LRRC4C: variants seen among roughly 807,000 people sequenced by gnomAD.
LRRC4C encodes leucine-rich repeat-containing protein 4C.
LRRC4C carries 5 observed loss-of-function variants against 33.6 expected under a neutral mutation model. The observed-to-expected ratio is 0.15, with a 90% confidence interval of 0.08 to 0.31. LRRC4C has a LOEUF of 0.31. Among genes scored for constraint, LRRC4C ranks in the 10% least tolerant of loss-of-function variants. The pLI, the probability that LRRC4C is intolerant of heterozygous loss-of-function variation, is 1.00. For missense variants in LRRC4C, 560 were observed against 796.7 expected (o/e 0.70, Z 3.58); for synonymous variants, 329 against 302.0 (o/e 1.09, Z -0.93).
intron 6 of LRRC4C, among the ~76,000 whole-genome samples, chr11:40,117,324 G>A (rs1032304477): frequency 6.6e-6 from 1 of 152,138 alleles, no homozygotes; most frequent in Non-Finnish European, 1.5e-5. Context: ...ACATGCACAT[G>A]TATATATAAA....
At chr11:41,230,328 T>G (rs1565499355) in intron 1 of LRRC4C, among the ~76,000 whole-genome samples, 2 of 152,076 alleles carry the variant, frequency 1.3e-5, no homozygotes, top group Non-Finnish European at 2.9e-5. Flanking sequence ...AGAAATACCT[T>G]GGAATGAGGC....
intron 2 of LRRC4C, among the ~76,000 whole-genome samples, chr11:40,842,518 TTACACAC>T (rs1235703430): frequency 6.6e-6 from 1 of 152,180 alleles, no homozygotes; most frequent in African/African-American, 2.4e-5. Context: ...ATGCATTACC[TTACACAC>T]TTACTATTAT....
At position 41,163,284 on chromosome 11, in the gene LRRC4C, G is replaced by GTTTTTTTTTTTTTTTTTTTTTTTTTTTT. The variant is rs71466923; in HGVS notation, c.-495-229562_-495-229561insAAAAAAAAAAAAAAAAAAAAAAAAAAAA. Among the ~76,000 whole-genome samples the GTTTTTTTTTTTTTTTTTTTTTTTTTTTT allele has an allele frequency of 6.8e-5, 5 of 73,382 alleles. 2 individuals carry two copies. The highest frequency in any genetic ancestry group is 1.2e-4 in the Non-Finnish European group (5 of 40,822). The allele number at this position is 73,382 out of a possible 152,430, so 48.1% of individuals were successfully genotyped here. A position where few individuals can be genotyped will look rare whatever the true frequency, so the allele number is the denominator to read the frequency against. Reference sequence around the variant, plus strand: ...GTAATAAACTTAGTTTACTGTAACTGTTTTTTTTTTTTTTTTTCAAACAGG... The same window carrying GTTTTTTTTTTTTTTTTTTTTTTTTTTTT: ...GTAATAAACTTAGTTTACTGTAACTGTTTTTTTTTTTTTTTTTTTTTTTTTTTTTTTTTTTTTTTTTTTTTCAAACAGG... On this transcript the variant is annotated intron_variant, in intron 1 of 6. Transcript: ENST00000528697.
intron 4 of LRRC4C, among the ~76,000 whole-genome samples, chr11:40,250,604 G>C (rs2136175208): frequency 6.6e-6 from 1 of 152,144 alleles, no homozygotes; most frequent in Non-Finnish European, 1.5e-5. Flanking sequence ...GCCAGGCATG[G>C]TGGCGGGCGC....
chr11:40,527,558 G>T (rs1268797659), intron 3 of LRRC4C, among the ~76,000 whole-genome samples: 1 of 152,062 alleles, frequency 6.6e-6, no homozygotes. Flanking sequence ...ATGACCCTCA[G>T]TCTTAGATTT....
intron 3 of LRRC4C, among the ~76,000 whole-genome samples, chr11:40,645,531 G>T (rs187549984): frequency 6.6e-6 from 1 of 152,102 alleles, no homozygotes; most frequent in East Asian, 1.9e-4. Flanking sequence ...TGACAATGTC[G>T]CCCTGTTTAT....
At chr11:40,345,243 C>T (rs1200473635) in intron 3 of LRRC4C, among the ~76,000 whole-genome samples, 1 of 152,110 alleles carries the variant, frequency 6.6e-6, no homozygotes, top group Non-Finnish European at 1.5e-5. Flanking sequence ...ATAGCCAAGA[C>T]AATCCTAAGC....
intron 1 of LRRC4C, among the ~76,000 whole-genome samples, chr11:41,247,505 T>C (rs1406433747): frequency 6.6e-6 from 1 of 152,130 alleles, no homozygotes; most frequent in Non-Finnish European, 1.5e-5. Flanking sequence ...GATGTCTTTT[T>C]ACTACATTTT....
At chr11:40,470,506 CA>C (rs1449919328) in intron 3 of LRRC4C, among the ~76,000 whole-genome samples, 2 of 152,164 alleles carry the variant, frequency 1.3e-5, no homozygotes, top group Non-Finnish European at 2.9e-5. Flanking sequence ...TCCTTGCCAG[CA>C]AGGGAACAAA....
chr11:40,609,742 G>T (rs948966396), intron 3 of LRRC4C, among the ~76,000 whole-genome samples: 1 of 151,746 alleles, frequency 6.6e-6, no homozygotes, highest in Non-Finnish European at 1.5e-5. Flanking sequence ...GAAATATAAA[G>T]ATTATAACAG....
intron 5 of LRRC4C, among the ~76,000 whole-genome samples, chr11:40,210,645 G>T (rs1863528057): frequency 6.6e-6 from 1 of 152,154 alleles, no homozygotes; most frequent in African/African-American, 2.4e-5. Flanking sequence ...TGGGACTCCA[G>T]CTTCTTTGCC....
intron 2 of LRRC4C, among the ~76,000 whole-genome samples, chr11:40,716,406 G>T (rs12364198): frequency 4.6e-5 from 7 of 152,078 alleles, no homozygotes; most frequent in African/African-American, 1.4e-4. Flanking sequence ...TAATAAATCA[G>T]TTTTTCATGC....
At position 40,153,370 on chromosome 11, in the gene LRRC4C, C is replaced by T. The variant is rs145791723; in HGVS notation, c.-95-12517G>A. On this transcript the variant is annotated intron_variant, in intron 5 of 6. Coordinates refer to ENST00000528697, the MANE Select transcript of LRRC4C (RefSeq NM_001258419.2). ...CAGAAAACCAACCCTGGTAATATGA[C>T]AAAACAAGGCTCTTCAACACCCCCT... Among the ~76,000 whole-genome samples, 700 of 152,130 alleles carry T rather than the reference C, an allele frequency of 4.6e-3. 7 individuals carry two copies. The highest frequency in any genetic ancestry group is 0.016 in the African/African-American group (670 of 41,490).
intron 1 of LRRC4C, among the ~76,000 whole-genome samples, chr11:40,943,806 T>C (rs1958262931): frequency 2.0e-5 from 3 of 152,152 alleles, no homozygotes. Flanking sequence ...ATGACACAGA[T>C]GTTTAAAACC....
chr11:41,410,205 T>C (rs576687674), intron 1 of LRRC4C, among the ~76,000 whole-genome samples: 1 of 152,148 alleles, frequency 6.6e-6, no homozygotes, highest in African/African-American at 2.4e-5. Flanking sequence ...TTACTGATTA[T>C]AACAATACTG....
intron 1 of LRRC4C, among the ~76,000 whole-genome samples, chr11:40,982,416 A>G (rs1852609418): frequency 6.6e-6 from 1 of 152,232 alleles, no homozygotes; most frequent in Non-Finnish European, 1.5e-5. Flanking sequence ...ATGAAAGAAG[A>G]TATTTCCATC....
intron 1 of LRRC4C, among the ~76,000 whole-genome samples, chr11:41,176,777 A>AAGAG (rs1945216954): frequency 1.3e-5 from 2 of 152,086 alleles, no homozygotes; most frequent in Non-Finnish European, 2.9e-5. Flanking sequence ...AGCCTGGGCA[A>AAGAG]CGTGGTGAAA....
intron 1 of LRRC4C, among the ~76,000 whole-genome samples, chr11:41,140,941 G>A (rs956231215): frequency 6.6e-6 from 1 of 151,958 alleles, no homozygotes; most frequent in Non-Finnish European, 1.5e-5. Flanking sequence ...CTGTCTTCTG[G>A]GGGATAGAAA....
At chr11:40,976,453 A>G (rs1281801746) in intron 1 of LRRC4C, among the ~76,000 whole-genome samples, 2 of 152,210 alleles carry the variant, frequency 1.3e-5, no homozygotes, top group African/African-American at 4.8e-5. Flanking sequence ...TTTTGTGCAC[A>G]CTGGTCACAC....
Sources: gnomAD v4.1 joint callset for allele counts (sites outside exome capture counted in the v4.1 genomes callset) on GRCh38, gnomAD v4.1.1 for gene constraint, MANE v1.5 for transcripts, NCBI Gene and HGNC (gene_info 2026-07-23, HGNC 2026-07-21) for gene names.